The following HELLS variants were observed in gnomAD, a reference collection of about 807,000 sequenced individuals.
HELLS encodes lymphoid-specific helicase.
Under a neutral mutation model 120.0 loss-of-function variants are expected in HELLS, and 32 were observed. The ratio of observed to expected loss-of-function variants is 0.27; its 90% CI spans 0.20 to 0.36. HELLS has a LOEUF of 0.36. Ranked by LOEUF, HELLS falls within the 10% of genes least tolerant of loss-of-function variation. HELLS has a pLI of 1.00. For synonymous variants in HELLS, 341 were observed against 323.4 expected (o/e 1.05, Z -0.58); for missense variants, 650 against 993.4 (o/e 0.65, Z 4.65).
At chr10:94,585,762 T>C (rs1845112210) in intron 12 of HELLS, among the ~76,000 whole-genome samples, 1 of 151,264 alleles carries the variant, frequency 6.6e-6, no homozygotes, top group African/African-American at 2.4e-5. Context: ...CCATCGTTGG[T>C]TATTGGGTTG....
chr10:94,546,779 C>A (rs1842771788), intron 2 of HELLS, among the ~76,000 whole-genome samples: 1 of 152,170 alleles, frequency 6.6e-6, no homozygotes, highest in African/African-American at 2.4e-5. Context: ...AAAAGTCTTT[C>A]AAAGTCCATA....
At chr10:94,548,763 G>T (rs1842850329) in intron 2 of HELLS, among the ~76,000 whole-genome samples, 1 of 152,120 alleles carries the variant, frequency 6.6e-6, no homozygotes, top group Non-Finnish European at 1.5e-5. Context: ...GGAGGCCGAG[G>T]CGGGTGGATC....
intron 2 of HELLS, 66 bp from the exon 3 acceptor site, chr10:94,554,060 T>C: frequency 7.0e-7 from 1 of 1,438,710 alleles, no homozygotes. Flanking sequence ...TTATTAAACT[T>C]TATGCCAAAA....
At position 94,577,904 on chromosome 10, in the gene HELLS, T is replaced by A. The variant is rs930415418; in HGVS notation, c.1032+1099T>A. 4.6e-5 allele frequency among the ~76,000 whole-genome samples: 7 copies of A among 151,110 alleles called. No homozygotes were observed. In the South Asian group the frequency reaches 1.5e-3, roughly 31 times the overall value. On this transcript the variant is annotated intron_variant, in intron 10 of 21. Transcript: ENST00000348459. ...GTGAAACCCCGTCTCTACTAAAAAT[T>A]ACAAAAAAATTAGCCGGGCGCGGTG... is the stretch of plus-strand genomic sequence containing the variant.
At chr10:94,573,190 C>T (rs1036338689) in intron 7 of HELLS, among the ~76,000 whole-genome samples, 5 of 152,146 alleles carry the variant, frequency 3.3e-5, no homozygotes, top group Non-Finnish European at 7.3e-5. Context: ...GATCACTTGA[C>T]CTCATGATCT....
exon 10 of HELLS, chr10:94,610,325 T>C (rs949126711): frequency 5.9e-5 from 9 of 151,928 alleles, no homozygotes; most frequent in Non-Finnish European, 1.2e-4. Context: ...CCGGGCGCAG[T>C]GGTGCCTGTA....
rs368532429 is a variant in HELLS at position 94,558,467 on chromosome 10, A to C, written c.333+272A>C. Among the ~76,000 whole-genome samples the C allele has an allele frequency of 4.6e-5, 7 of 152,330 alleles. No homozygotes were observed. In the East Asian group the frequency reaches 7.7e-4, roughly 17 times the overall value. On this transcript the variant is annotated intron_variant, in intron 4 of 21. Transcript: ENST00000348459. ...ACTTTCTTAATTGGAAAGAATCTGC[A>C]AATTTAAACTTCAAGGCATTTTGTA...
At chr10:94,607,391 T>C (rs1481096780) in intron 8 of HELLS, among the ~76,000 whole-genome samples, 2 of 152,210 alleles carry the variant, frequency 1.3e-5, no homozygotes, top group African/African-American at 4.8e-5. Flanking sequence ...ACCTGTTTCA[T>C]TTTTTACAGT....
intron 12 of HELLS, among the ~76,000 whole-genome samples, chr10:94,584,370 G>A (rs1000265322): frequency 1.3e-5 from 2 of 152,066 alleles, no homozygotes; most frequent in African/African-American, 4.8e-5. Flanking sequence ...GCACAAGCGT[G>A]TGTGTTTATA....
chr10:94,605,083 C>CCG (rs1554837217), downstream of HELLS, among the ~76,000 whole-genome samples: 25 of 130,796 alleles, frequency 1.9e-4, 1 homozygote, highest in African/African-American at 6.9e-4. Context: ...CCCCCCCCCC[C>CCG]CCTTTTTTTT....
At chr10:94,566,953 T>C (rs4918402) in intron 6 of HELLS, among the ~76,000 whole-genome samples, 72,574 of 151,934 alleles carry the variant, frequency 0.48, 17,892 homozygotes, top group East Asian at 0.78. Context: ...CCATGCCTGG[T>C]CCCATACCAG....
At chr10:94,605,228 G>A (rs182477900), downstream of HELLS, among the ~76,000 whole-genome samples, 397 of 151,596 alleles carry the variant, frequency 2.6e-3, 1 homozygote, top group Middle Eastern at 0.031. Context: ...AATTACAAGC[G>A]CCCACCACCA....
At chr10:94,613,590 T>G (rs1846215465) in exon 10 of HELLS, 1 of 152,220 alleles carries the variant, frequency 6.6e-6, no homozygotes, top group Admixed American at 6.5e-5. Flanking sequence ...CTGTTTTCAT[T>G]GTTATTTAAT....
intron 2 of HELLS, among the ~76,000 whole-genome samples, chr10:94,547,125 A>G (rs1842785100): frequency 6.6e-6 from 1 of 152,206 alleles, no homozygotes; most frequent in Non-Finnish European, 1.5e-5. Context: ...GTAAGTTACT[A>G]AAAACAGTTT....
At chr10:94,561,186 G>T (rs1189129434) in intron 4 of HELLS, among the ~76,000 whole-genome samples, 5 of 151,846 alleles carry the variant, frequency 3.3e-5, no homozygotes, top group Admixed American at 6.6e-5. Flanking sequence ...TGCCCAGGCT[G>T]GTCTCGAACC....
rs147233430 is a variant in HELLS at position 94,599,132 on chromosome 10, G to C, written c.2422+2021G>C. Among the ~76,000 whole-genome samples, 6 of 152,048 alleles carry C rather than the reference G, an allele frequency of 3.9e-5. No homozygotes were observed. The East Asian group carries it at 1.2e-3, about 29-fold the overall frequency. On this transcript the variant is annotated intron_variant, in intron 21 of 21. Coordinates refer to ENST00000348459, the MANE Select transcript of HELLS (RefSeq NM_018063.5). ...TTGTTTTAGATATTCTGGATTATTT[G>C]CATGTTTATTTGAGTTTTAACTTTG...
exon 10 of HELLS, chr10:94,613,296 T>A (rs1846212131): frequency 6.6e-6 from 1 of 152,248 alleles, no homozygotes; most frequent in African/African-American, 2.4e-5. Flanking sequence ...TCTTCCATTT[T>A]ATTTTTTTGC....
chr10:94,606,536 GA>G (rs1345719912), downstream of HELLS, among the ~76,000 whole-genome samples: 1 of 151,804 alleles, frequency 6.6e-6, no homozygotes, highest in Admixed American at 6.6e-5. Flanking sequence ...AATTTCTTGA[GA>G]CAGGGTCTTG....
chr10:94,554,044 C>A, intron 2 of HELLS, 82 bp from the exon 3 acceptor site: 21 of 1,148,530 alleles, frequency 1.8e-5, no homozygotes, highest in East Asian at 9.5e-5. Flanking sequence ...GTTATTTTAG[C>A]CATTTTTATT....
Sources: gnomAD v4.1 joint callset for allele counts (sites outside exome capture counted in the v4.1 genomes callset) on GRCh38, gnomAD v4.1.1 for gene constraint, MANE v1.5 for transcripts, NCBI Gene and HGNC (gene_info 2026-07-23, HGNC 2026-07-21) for gene names.